The following TBL1X variants were observed in gnomAD, a reference collection of about 807,000 sequenced individuals.
TBL1X encodes F-box-like/WD repeat-containing protein TBL1X.
Under a neutral mutation model 50.7 loss-of-function variants are expected in TBL1X, and 10 were observed. The ratio of observed to expected loss-of-function variants is 0.20; its 90% CI spans 0.12 to 0.33. The LOEUF is 0.33. Ranked by LOEUF, TBL1X falls within the 10% of genes least tolerant of loss-of-function variation. The pLI is 1.00. For missense variants in TBL1X, 340 were observed against 504.4 expected (o/e 0.67, Z 3.12); for synonymous variants, 190 against 214.7 (o/e 0.88, Z 1.01).
At chrX:9,615,044 A>C (rs968035842) in intron 2 of TBL1X, among the ~76,000 whole-genome samples, 1 of 111,745 alleles carries the variant, frequency 8.9e-6, no homozygotes, top group African/African-American at 3.3e-5. Flanking sequence ...GGTGATCCTC[A>C]GTCACCGGGA....
chrX:9,702,245 G>A (rs1443309414), intron 12 of TBL1X, among the ~76,000 whole-genome samples: 1 of 109,467 alleles, frequency 9.1e-6, no homozygotes, highest in Non-Finnish European at 1.9e-5. Flanking sequence ...AGACCAGCCA[G>A]GGCAACACAC....
chrX:9,593,410 AT>A (rs761799173), intron 2 of TBL1X, among the ~76,000 whole-genome samples: 83 of 102,924 alleles, frequency 8.1e-4, no homozygotes, highest in African/African-American at 2.9e-3. Flanking sequence ...CTTAAAAATA[AT>A]AATAATAATA....
intron 2 of TBL1X, among the ~76,000 whole-genome samples, chrX:9,599,500 G>T (rs765493614): frequency 8.9e-6 from 1 of 112,202 alleles, no homozygotes; most frequent in East Asian, 2.8e-4. Flanking sequence ...GCAGGGCAGG[G>T]TCATTGCAGG....
intron 2 of TBL1X, among the ~76,000 whole-genome samples, chrX:9,543,114 G>C (rs998570717): frequency 8.9e-6 from 1 of 112,590 alleles, no homozygotes; most frequent in Admixed American, 9.3e-5. Context: ...CGCACAGGGT[G>C]GCTTCCCCAT....
intron 5 of TBL1X, among the ~76,000 whole-genome samples, chrX:9,665,794 T>C (rs911726196): frequency 5.6e-5 from 6 of 107,395 alleles, no homozygotes; most frequent in African/African-American, 2.0e-4. Context: ...TAGATCCCTC[T>C]CAAAATCTAA....
chrX:9,704,909 T>C, intron 12 of TBL1X, 84 bp from the exon 13 acceptor site: 1 of 1,178,447 alleles, frequency 8.5e-7, no homozygotes, highest in Non-Finnish European at 1.1e-6. Flanking sequence ...CTAAAGAGGC[T>C]TCTTGATTGT....
At chrX:9,529,510 A>T (rs936115816) in intron 2 of TBL1X, among the ~76,000 whole-genome samples, 3 of 111,884 alleles carry the variant, frequency 2.7e-5, no homozygotes, top group African/African-American at 9.7e-5. Flanking sequence ...GAAGGCAGGC[A>T]TGGCACAGCC....
intron 1 of TBL1X, among the ~76,000 whole-genome samples, chrX:9,475,588 T>C: frequency 9.1e-6 from 1 of 109,356 alleles, no homozygotes; most frequent in South Asian, 3.9e-4. Context: ...GCTACACTAC[T>C]GGTGTTACAG....
intron 2 of TBL1X, among the ~76,000 whole-genome samples, chrX:9,590,130 A>C (rs1330364584): frequency 3.6e-5 from 4 of 112,230 alleles, no homozygotes; most frequent in Admixed American, 9.4e-5. Flanking sequence ...TGTGCTGACT[A>C]TAGGAATGTG....
intron 15 of TBL1X, among the ~76,000 whole-genome samples, chrX:9,711,024 A>G (rs1364901253): frequency 1.8e-5 from 2 of 112,000 alleles, no homozygotes; most frequent in Admixed American, 1.9e-4. Context: ...CTACAAAAAT[A>G]TTTACCATTT....
chrX:9,484,283 G>C (rs982710592), intron 1 of TBL1X, among the ~76,000 whole-genome samples: 1 of 111,041 alleles, frequency 9.0e-6, no homozygotes, highest in Admixed American at 9.5e-5. Flanking sequence ...GGATTACTAC[G>C]GGTGTGAGCC....
intron 5 of TBL1X, among the ~76,000 whole-genome samples, chrX:9,671,940 C>T (rs1163595453): frequency 8.9e-6 from 1 of 112,644 alleles, no homozygotes; most frequent in Non-Finnish European, 1.9e-5. Flanking sequence ...TCTCCTGGTT[C>T]CAGTGCAGTT....
In TBL1X at chrX:9,643,940, C is replaced by T. The variant is rs1452137572; in HGVS notation, c.-43+3580C>T. On this transcript the variant is annotated intron_variant, in intron 3 of 17. Coordinates refer to ENST00000645353, the MANE Select transcript of TBL1X (RefSeq NM_005647.4). ...CATTGGGGGATGGGGCACCGCCTGC[C>T]TTTCGAACTGTAGGGTACGCTTCAG... Among the ~76,000 whole-genome samples the T allele has an allele frequency of 7.0e-4, 78 of 111,935 alleles. 1 individual carries two copies. In the Admixed American group the frequency reaches 7.3e-3, roughly 10 times the overall value.
intron 2 of TBL1X, among the ~76,000 whole-genome samples, chrX:9,616,534 A>G (rs2082640287): frequency 8.9e-6 from 1 of 111,919 alleles, no homozygotes; most frequent in South Asian, 3.7e-4. Flanking sequence ...GCTTAAAACT[A>G]CTGAGAAGCT....
At chrX:9,565,606 G>A (rs770617660) in intron 2 of TBL1X, among the ~76,000 whole-genome samples, 158 of 111,153 alleles carry the variant, frequency 1.4e-3, no homozygotes, top group African/African-American at 2.1e-3. Flanking sequence ...AAGCGGGAAC[G>A]TCACTAGAGC....
At chrX:9,504,041 CAGGT>C (rs1332737653) in intron 2 of TBL1X, among the ~76,000 whole-genome samples, 3 of 111,805 alleles carry the variant, frequency 2.7e-5, no homozygotes, top group Non-Finnish European at 5.6e-5. Context: ...CTACTGGCAT[CAGGT>C]TGGTGCCCCT....
At chrX:9,535,035 G>A (rs2082180823) in intron 2 of TBL1X, 1 of 111,663 alleles carries the variant, frequency 9.0e-6, no homozygotes, top group African/African-American at 3.3e-5. Context: ...CCGGTCAACA[G>A]TAAGTACTTT....
chrX:9,544,051 G>C (rs983995617), intron 2 of TBL1X, among the ~76,000 whole-genome samples: 43 of 111,852 alleles, frequency 3.8e-4, no homozygotes, highest in African/African-American at 1.4e-3. Context: ...GTCTGGCAGG[G>C]GGAGTTTTGC....
intron 2 of TBL1X, among the ~76,000 whole-genome samples, chrX:9,602,170 G>C (rs1476913222): frequency 8.9e-6 from 1 of 112,121 alleles, no homozygotes; most frequent in Non-Finnish European, 1.9e-5. Context: ...CTTTTTGAGA[G>C]AAGTGGTTAT....
Sources: gnomAD v4.1 joint callset for allele counts (sites outside exome capture counted in the v4.1 genomes callset) on GRCh38, gnomAD v4.1.1 for gene constraint, MANE v1.5 for transcripts, NCBI Gene and HGNC (gene_info 2026-07-23, HGNC 2026-07-21) for gene names.